Variants in STK32B observed in about 807,000 individuals in gnomAD.
The protein encoded by STK32B is serine/threonine kinase 32B.
Under a neutral mutation model 52.6 loss-of-function variants are expected in STK32B, and 43 were observed. That is an observed-to-expected ratio of 0.82 (90% CI 0.64 to 1.05). STK32B has a LOEUF of 1.05. Ranked by LOEUF, STK32B falls within the 50% of genes least tolerant of loss-of-function variation. STK32B has a pLI of 0.00. For missense variants in STK32B, 621 were observed against 534.6 expected, an observed-to-expected ratio of 1.16 and a Z score of -1.59; for synonymous variants, 238 against 204.3, an observed-to-expected ratio of 1.17 and a Z score of -1.41.
chr4:5,424,087 GT>G (rs1209468747), intron 6 of STK32B, among the ~76,000 whole-genome samples: 8 of 152,110 alleles, frequency 5.3e-5, no homozygotes, highest in Non-Finnish European at 2.9e-5. Flanking sequence ...TCAGAGTGGG[GT>G]TGTGGCCAAG....
chr4:5,276,992 T>G (rs750993209), intron 3 of STK32B, among the ~76,000 whole-genome samples: 1 of 152,260 alleles, frequency 6.6e-6, no homozygotes, highest in Non-Finnish European at 1.5e-5. Flanking sequence ...CCACTGAAGA[T>G]GAACGCCAGA....
the STK32B span, among the ~76,000 whole-genome samples, chr4:5,025,496 A>C: frequency 6.6e-6 from 1 of 152,052 alleles, no homozygotes. Context: ...CTCCTAACTC[A>C]TTGGTGTGTA....
intron 4 of STK32B, among the ~76,000 whole-genome samples, chr4:5,354,524 T>G (rs563641069): frequency 3.4e-4 from 51 of 152,166 alleles, no homozygotes; most frequent in Non-Finnish European, 7.1e-4. Flanking sequence ...CCTTGACCTC[T>G]CAAAGTGCTG....
intron 2 of STK32B, among the ~76,000 whole-genome samples, chr4:5,153,554 C>T (rs1249199286): frequency 5.3e-5 from 8 of 150,946 alleles, no homozygotes; most frequent in Non-Finnish European, 7.4e-5. Context: ...GGAACTCTCT[C>T]GACCTGATAA....
In STK32B at chr4:5,443,563, C is replaced by G. The variant is rs1214105591; in HGVS notation, c.563-3110C>G. Among the ~76,000 whole-genome samples, 4 of 152,178 alleles carry G rather than the reference C, an allele frequency of 2.6e-5. No individual in the cohort carries two copies. The South Asian group carries it at 6.2e-4, about 24-fold the overall frequency. On this transcript the variant is annotated intron_variant, in intron 6 of 11. Coordinates refer to ENST00000282908, the MANE Select transcript of STK32B (RefSeq NM_018401.3). ...CTTTGGTTTGAATGTCCTCCCATAG[C>G]TCAGAGTAATTTGATCGTCTGAAGC...
At chr4:5,490,484 G>C (rs1158262798) in intron 11 of STK32B, among the ~76,000 whole-genome samples, 1 of 152,120 alleles carries the variant, frequency 6.6e-6, no homozygotes, top group African/African-American at 2.4e-5. Flanking sequence ...TACTGAATTG[G>C]ACAAAGAATA....
At chr4:5,295,748 AT>A (rs2108889156) in intron 3 of STK32B, among the ~76,000 whole-genome samples, 1 of 151,742 alleles carries the variant, frequency 6.6e-6, no homozygotes, top group African/African-American at 2.4e-5. Flanking sequence ...TTTTCGAAGG[AT>A]TTTTCATGTC....
chr4:5,265,743 AG>A (rs760330716), intron 3 of STK32B, among the ~76,000 whole-genome samples: 1 of 152,136 alleles, frequency 6.6e-6, no homozygotes, highest in Non-Finnish European at 1.5e-5. Context: ...CTGTCATTTT[AG>A]TCTTTGGCCT....
intron 1 of STK32B, among the ~76,000 whole-genome samples, chr4:5,096,515 T>A (rs574178713): frequency 7.7e-5 from 11 of 143,726 alleles, no homozygotes; most frequent in African/African-American, 2.8e-4. Flanking sequence ...ACACACATCC[T>A]CTCAATTAGA....
chr4:5,019,749 C>T, the STK32B span, among the ~76,000 whole-genome samples: 1 of 151,220 alleles, frequency 6.6e-6, no homozygotes, highest in African/African-American at 2.4e-5. Context: ...AAGGCAGGAA[C>T]AGCAGATGGA....
intron 3 of STK32B, among the ~76,000 whole-genome samples, chr4:5,312,507 A>G (rs1187299175): frequency 2.0e-5 from 3 of 148,766 alleles, no homozygotes; most frequent in Non-Finnish European, 4.4e-5. Flanking sequence ...CTCATTGTTC[A>G]ATTCCCACCT....
intron 3 of STK32B, among the ~76,000 whole-genome samples, chr4:5,319,502 TATC>T (rs1731344211): frequency 6.6e-6 from 1 of 152,156 alleles, no homozygotes; most frequent in South Asian, 2.1e-4. Flanking sequence ...CCAAACTTCT[TATC>T]ATGACTTACA....
intron 3 of STK32B, among the ~76,000 whole-genome samples, chr4:5,263,581 G>C (rs571010424): frequency 6.6e-6 from 1 of 152,308 alleles, no homozygotes; most frequent in African/African-American, 2.4e-5. Flanking sequence ...CATCACACTG[G>C]CTAAGAGTGA....
At chr4:5,196,226 A>G (rs190362240) in intron 3 of STK32B, among the ~76,000 whole-genome samples, 218 of 151,862 alleles carry the variant, frequency 1.4e-3, no homozygotes, top group Non-Finnish European at 2.5e-3. Flanking sequence ...CACAGCCTAC[A>G]TGCTCAATGA....
At chr4:5,387,706 CA>C (rs566954725) in intron 4 of STK32B, among the ~76,000 whole-genome samples, 201 of 152,318 alleles carry the variant, frequency 1.3e-3, no homozygotes, top group Non-Finnish European at 2.4e-3. Flanking sequence ...AGATGGGCAT[CA>C]GAGGAGCTGG....
At chr4:5,335,561 T>C (rs1732612615) in intron 4 of STK32B, among the ~76,000 whole-genome samples, 1 of 152,136 alleles carries the variant, frequency 6.6e-6, no homozygotes, top group Non-Finnish European at 1.5e-5. Flanking sequence ...GTTCTTTAAA[T>C]TGTGATGTTA....
chr4:5,490,265 C>A (rs925095341), intron 11 of STK32B, among the ~76,000 whole-genome samples: 15 of 151,990 alleles, frequency 9.9e-5, no homozygotes, highest in African/African-American at 3.6e-4. Flanking sequence ...TGCCACCATG[C>A]CCAGCTAATT....
chr4:5,176,742 C>T (rs1220428899), intron 3 of STK32B, among the ~76,000 whole-genome samples: 1 of 152,138 alleles, frequency 6.6e-6, no homozygotes, highest in South Asian at 2.1e-4. Context: ...CTGTGCCCAG[C>T]CTTAGGCACC....
chr4:5,446,563 A>AATC, intron 6 of STK32B, 110 bp from the exon 7 acceptor site: 1 of 1,005,230 alleles, frequency 9.9e-7, no homozygotes, highest in African/African-American at 1.7e-5. Context: ...TCTCAAAAAA[A>AATC]AACAAAAAAA....
Sources: gnomAD v4.1 joint callset for allele counts (sites outside exome capture counted in the v4.1 genomes callset) on GRCh38, gnomAD v4.1.1 for gene constraint, MANE v1.5 for transcripts, NCBI Gene and HGNC (gene_info 2026-07-23, HGNC 2026-07-21) for gene names.